KAT14: variants seen among roughly 807,000 people sequenced by gnomAD.
The protein encoded by KAT14 is lysine acetyltransferase 14.
Under a neutral mutation model 78.4 loss-of-function variants are expected in KAT14, and 66 were observed. The observed-to-expected ratio is 0.84, with a 90% CI of 0.69 to 1.03. The LOEUF is 1.03. Ranked by LOEUF, KAT14 falls within the 50% of genes least tolerant of loss-of-function variation. The pLI, the probability that KAT14 is intolerant of heterozygous loss-of-function variation, is 0.00. For synonymous variants in KAT14, 344 were observed against 359.4 expected (o/e 0.96, Z 0.48); for missense variants, 870 against 972.5 (o/e 0.89, Z 1.40).
At position 18,187,321 on chromosome 20, in the gene KAT14, A is replaced by C. The variant is rs750217962; in HGVS notation, c.2208A>C (p.Ser736=). The C allele has an allele frequency of 1.8e-5, 29 of 1,613,470 alleles. No homozygotes were observed. In the East Asian group the frequency reaches 6.5e-4, roughly 36 times the overall value. Residue 736 remains serine (S), a synonymous_variant, in exon 11 of 11, where the codon TCA becomes TCC. Coordinates refer to ENST00000688188, the MANE Select transcript of KAT14 (RefSeq NM_001392073.1). ...CMGKDVTLHV[S]ASNPAMLLYQ... ...GCAAGGACGTAACCCTTCACGTCTC[A>C]GCAAGCAACCCCGCTATGCTACTGT...
At chr20:18,187,251 C>G in intron 10 of KAT14, 35 bp from the exon 11 acceptor site, 4 of 1,564,640 alleles carry the variant, frequency 2.6e-6, no homozygotes, top group Non-Finnish European at 3.4e-6. Flanking sequence ...CAGGCCTTTC[C>G]ATTTTTATCT....
In KAT14 at chr20:18,138,007, G is replaced by A; in HGVS notation, c.-498G>A. The A allele has an allele frequency of 6.7e-7, 1 of 1,503,690 alleles. No individual in the cohort carries two copies. The allele number at this position is 1,503,690 out of a possible 1,614,324, so 93.1% of individuals were successfully genotyped here. ...GGGCCTCTCGGTGCTGCTGACGGCG[G>A]CCACAGTGGCCGGCGTACATGTGAA... is the stretch of plus-strand genomic sequence containing the variant. On this transcript the variant is annotated 5_prime_UTR_variant, in exon 1 of 11. Coordinates refer to ENST00000688188, the MANE Select transcript of KAT14 (RefSeq NM_001392073.1).
At chr20:18,143,070 C>T in intron 2 of KAT14, 151 bp downstream of exon 2, 1 of 1,422,950 alleles carries the variant, frequency 7.0e-7, no homozygotes, top group Non-Finnish European at 9.2e-7. Context: ...TTATATAAAA[C>T]ATAGGCATGT....
chr20:18,183,201 C>A lies in KAT14; in HGVS notation c.1884C>A (p.His628Gln), dbSNP rs2039325318. 4.3e-6 allele frequency: 7 copies of A among 1,614,170 alleles called. No individual in the cohort carries two copies. Among genetic ancestry groups the A allele is most frequent in the Non-Finnish European group, 5.9e-6 (7 of 1,180,032 alleles). ...CCCACCTGCACAGGAGCGACCCTCA[C>A]TGGACGCCGGAGCCCGACGCACCTC... The part of the protein sequence containing the change: ...IRSHLHRSDP[H>Q]WTPEPDAPLD... The change falls in exon 9 of 11, where the codon CAC (histidine) becomes CAA (glutamine). Residue 628 changes from histidine to glutamine, a missense_variant. Transcript: ENST00000688188.
In KAT14 at chr20:18,183,185, A is replaced by G; in HGVS notation, c.1868A>G (p.His623Arg). ...QLLSQIRSHL[H>R]RSDPHWTPEP... The stretch of plus-strand genomic sequence containing the variant: ...CTGTCACAGATTCGTTCCCACCTGC[A>G]CAGGAGCGACCCTCACTGGACGCCG... Residue 623 changes from histidine to arginine, a missense_variant, in exon 9 of 11, where the codon CAC (histidine) becomes CGC (arginine). By Grantham distance (29) the His-to-Arg change is conservative (BLOSUM62 0). Transcript: ENST00000688188. 6.2e-7 allele frequency: 1 copy of G among 1,614,098 alleles called. No homozygotes were observed. The highest frequency in any genetic ancestry group is 1.1e-5 in the South Asian group (1 of 91,068).
intron 7 of KAT14, 127 bp from the exon 8 acceptor site, chr20:18,181,583 A>C: frequency 7.2e-7 from 1 of 1,391,038 alleles, no homozygotes; most frequent in Non-Finnish European, 9.7e-7. Flanking sequence ...GTTAGCCAGG[A>C]TGATCTCGAT....
At chr20:18,148,415 C>G (rs1427388674) in intron 3 of KAT14, among the ~76,000 whole-genome samples, 1 of 152,040 alleles carries the variant, frequency 6.6e-6, no homozygotes, top group Admixed American at 6.6e-5. Context: ...CCTGGAGACT[C>G]ATTCTTATGG....
intron 6 of KAT14, 61 bp downstream of exon 6, chr20:18,162,300 G>A (rs1227102320): frequency 1.2e-6 from 2 of 1,607,802 alleles, no homozygotes; most frequent in Non-Finnish European, 1.7e-6. Flanking sequence ...AAATGTACAA[G>A]TTTTCACCCC....
intron 7 of KAT14, among the ~76,000 whole-genome samples, chr20:18,168,105 T>A (rs1356744261): frequency 6.6e-6 from 1 of 152,244 alleles, no homozygotes; most frequent in Non-Finnish European, 1.5e-5. Flanking sequence ...TTCATTTCAC[T>A]TTTTCATTTA....
intron 7 of KAT14, among the ~76,000 whole-genome samples, chr20:18,179,263 G>T (rs1159634933): frequency 6.6e-6 from 1 of 152,172 alleles, no homozygotes; most frequent in Non-Finnish European, 1.5e-5. Context: ...CCATTCTGGG[G>T]TCTGAAGGAC....
intron 7 of KAT14, among the ~76,000 whole-genome samples, chr20:18,166,244 C>G (rs773009099): frequency 2.6e-5 from 4 of 152,200 alleles, no homozygotes; most frequent in Non-Finnish European, 4.4e-5. Flanking sequence ...GTCGTCCTTA[C>G]TGCTGTGTCC....
intron 7 of KAT14, among the ~76,000 whole-genome samples, chr20:18,165,039 A>G (rs2038591126): frequency 6.6e-6 from 1 of 152,140 alleles, no homozygotes; most frequent in Non-Finnish European, 1.5e-5. Flanking sequence ...AATATGGTAT[A>G]ATTTAGATAT....
chr20:18,169,161 C>G (rs1053767007), intron 7 of KAT14, among the ~76,000 whole-genome samples: 12 of 152,090 alleles, frequency 7.9e-5, no homozygotes, highest in African/African-American at 2.7e-4. Context: ...CTTTTTGATT[C>G]ATTTTCAGAG....
intron 7 of KAT14, among the ~76,000 whole-genome samples, chr20:18,181,285 A>G (rs903072632): frequency 6.6e-6 from 1 of 152,150 alleles, no homozygotes; most frequent in African/African-American, 2.4e-5. Flanking sequence ...AGTAATACAA[A>G]AAGACCTACT....
At chr20:18,176,300 CAAAA>C (rs11484238) in intron 7 of KAT14, among the ~76,000 whole-genome samples, 1 of 111,660 alleles carries the variant, frequency 9.0e-6, no homozygotes, top group African/African-American at 3.5e-5. Flanking sequence ...GACTTCGTCT[CAAAA>C]AAAAAAAAAA....
chr20:18,164,487 T>C (rs2038562544), intron 7 of KAT14, among the ~76,000 whole-genome samples: 1 of 152,224 alleles, frequency 6.6e-6, no homozygotes. Context: ...TACACTTCCC[T>C]GAGGCTGTGT....
intron 7 of KAT14, among the ~76,000 whole-genome samples, chr20:18,175,469 A>G (rs2039003681): frequency 6.6e-6 from 1 of 151,012 alleles, no homozygotes; most frequent in Non-Finnish European, 1.5e-5. Flanking sequence ...TGCCCTCTCT[A>G]CTCTGCTGCC....
rs1021164523 is a variant in KAT14 at position 18,161,795 on chromosome 20, T to G, written c.683-28T>G. 9 of 1,597,284 alleles carry G rather than the reference T, an allele frequency of 5.6e-6. No homozygotes were observed. The highest frequency in any genetic ancestry group is 1.4e-5 in the African/African-American group (1 of 74,040). On this transcript the variant is annotated intron_variant, in intron 5 of 10. Transcript: ENST00000688188. ...CCCAAGCATTTCAGATGAGGGATAC[T>G]CAGCCTGTATTTATTCTTTCTTAGC...
At chr20:18,166,186 A>G (rs546090478) in intron 7 of KAT14, among the ~76,000 whole-genome samples, 3 of 152,224 alleles carry the variant, frequency 2.0e-5, no homozygotes, top group Non-Finnish European at 4.4e-5. Context: ...AGGTGAGAGC[A>G]CACTTGAACA....
Sources: gnomAD v4.1 joint callset for allele counts (sites outside exome capture counted in the v4.1 genomes callset) on GRCh38, gnomAD v4.1.1 for gene constraint, MANE v1.5 for transcripts, NCBI Gene and HGNC (gene_info 2026-07-23, HGNC 2026-07-21) for gene names.